The following TSC22D1 variants were observed in gnomAD, a reference collection of about 807,000 sequenced individuals.
The protein encoded by TSC22D1 is TSC22 domain family protein 1.
Under a neutral mutation model 74.2 loss-of-function variants are expected in TSC22D1, and 9 were observed. The ratio of observed to expected loss-of-function variants is 0.12; its 90% confidence interval spans 0.07 to 0.21. The LOEUF is 0.21. Among genes scored for constraint, TSC22D1 ranks in the 10% least tolerant of loss-of-function variants. The pLI, the probability that TSC22D1 is intolerant of heterozygous loss-of-function variation, is 1.00. For synonymous variants in TSC22D1, 586 were observed against 492.5 expected, an observed-to-expected ratio of 1.19 and a Z score of -2.51; for missense variants, 1,427 against 1,304.7, an observed-to-expected ratio of 1.09 and a Z score of -1.44.
Position 44,574,870 on chromosome 13 carries a change from A to G in TSC22D1, c.1205T>C (p.Val402Ala). 1.2e-6 allele frequency: 2 copies of G among 1,614,144 alleles called. No individual in the cohort carries two copies. ...SVSSQQQQPT[V>A]NTSRFRVVKL... The stretch of plus-strand genomic sequence containing the variant: ...CACAACTCTGAACCTCGAAGTGTTA[A>G]CTGTTGGTTGTTGCTGCTGACTTGA... Residue 402 changes from valine to alanine, a missense_variant, in exon 1 of 3, where the codon GTT (valine) becomes GCT (alanine). Physicochemically the swap from Val to Ala is moderately conservative, Grantham distance 64 (BLOSUM62 0). This residue lies in a region of TSC22D1 where 1,343 missense variants were observed against 1,191.5 expected (regional missense o/e 1.13). Transcript: ENST00000458659.
At chr13:44,499,504 A>G (rs1265623855) in intron 1 of TSC22D1, among the ~76,000 whole-genome samples, 1 of 152,196 alleles carries the variant, frequency 6.6e-6, no homozygotes, top group African/African-American at 2.4e-5. Flanking sequence ...TTCAAATCCA[A>G]TCTAATTCTG....
chr13:44,461,067 C>G (rs771138645), intron 1 of TSC22D1, among the ~76,000 whole-genome samples: 2 of 152,066 alleles, frequency 1.3e-5, no homozygotes, highest in Non-Finnish European at 2.9e-5. Context: ...TACTTTTAAA[C>G]CAAATTTAAC....
At chr13:44,497,031 G>A (rs1879010747) in intron 1 of TSC22D1, among the ~76,000 whole-genome samples, 1 of 151,914 alleles carries the variant, frequency 6.6e-6, no homozygotes, top group African/African-American at 2.4e-5. Context: ...ATTAAACATG[G>A]AATTATGAGT....
chr13:44,510,274 C>G (rs1879655721), intron 1 of TSC22D1, among the ~76,000 whole-genome samples: 1 of 151,608 alleles, frequency 6.6e-6, no homozygotes, highest in Non-Finnish European at 1.5e-5. Flanking sequence ...TGCCTATAAT[C>G]CCAGCTACTC....
chr13:44,521,573 T>C (rs370405841), intron 1 of TSC22D1, among the ~76,000 whole-genome samples: 31 of 151,916 alleles, frequency 2.0e-4, no homozygotes, highest in African/African-American at 5.6e-4. Flanking sequence ...AAAGGGGGTA[T>C]ATGTTGTGAA....
At chr13:44,554,556 T>C (rs1014830025) in intron 1 of TSC22D1, among the ~76,000 whole-genome samples, 12 of 144,316 alleles carry the variant, frequency 8.3e-5, no homozygotes, top group African/African-American at 3.1e-4. Context: ...TGTTCAGTGC[T>C]AGGTATGTAA....
chr13:44,460,623 C>T (rs970214907), intron 1 of TSC22D1, among the ~76,000 whole-genome samples: 1 of 152,186 alleles, frequency 6.6e-6, no homozygotes, highest in Admixed American at 6.5e-5. Context: ...CATCTCTGCC[C>T]TCCTAGACTG....
At chr13:44,543,447 T>C (rs1881604606) in intron 1 of TSC22D1, among the ~76,000 whole-genome samples, 1 of 152,262 alleles carries the variant, frequency 6.6e-6, no homozygotes, top group Admixed American at 6.5e-5. Flanking sequence ...CTGGACATTC[T>C]ACATACATTG....
chr13:44,456,197 G>A lies in TSC22D1; in HGVS notation c.2913-20102C>T, dbSNP rs183409865. 2.2e-3 allele frequency among the ~76,000 whole-genome samples: 341 copies of A among 152,328 alleles called. 3 individuals are homozygous for A. The highest frequency in any genetic ancestry group is 1.6e-3 in the Non-Finnish European group (109 of 68,030). ...AGACCCAAAAAGTGAGCAGCAGCAA[G>A]ATTTATCGCTAACAGTAAAACAACA... On this transcript the variant is annotated intron_variant, in intron 1 of 2. Coordinates refer to ENST00000458659, the MANE Select transcript of TSC22D1 (RefSeq NM_183422.4).
intron 1 of TSC22D1, among the ~76,000 whole-genome samples, chr13:44,465,317 C>T (rs1055953235): frequency 9.2e-5 from 14 of 152,118 alleles, no homozygotes; most frequent in African/African-American, 3.4e-4. Flanking sequence ...CTTTGCCAGG[C>T]TAAGAAAGCT....
intron 1 of TSC22D1, among the ~76,000 whole-genome samples, chr13:44,467,662 A>G (rs1877367625): frequency 6.6e-6 from 1 of 152,208 alleles, no homozygotes; most frequent in African/African-American, 2.4e-5. Context: ...ATCACTAATC[A>G]TCAGGGAAAT....
chr13:44,516,285 G>T, intron 1 of TSC22D1: 1 of 426,978 alleles, frequency 2.3e-6, no homozygotes. Flanking sequence ...TGGTGAGAAA[G>T]CACCTCCCTT....
At chr13:44,515,294 C>T (rs1879925299) in intron 1 of TSC22D1, among the ~76,000 whole-genome samples, 1 of 151,648 alleles carries the variant, frequency 6.6e-6, no homozygotes, top group Admixed American at 6.6e-5. Context: ...AGACACAATC[C>T]TCTACAACTA....
intron 1 of TSC22D1, among the ~76,000 whole-genome samples, chr13:44,517,034 A>G (rs1880022905): frequency 1.3e-5 from 2 of 152,182 alleles, no homozygotes; most frequent in South Asian, 4.1e-4. Context: ...CTGATCCATC[A>G]TGTTCCCTTC....
At chr13:44,472,553 C>T (rs545016283) in intron 1 of TSC22D1, among the ~76,000 whole-genome samples, 8 of 152,114 alleles carry the variant, frequency 5.3e-5, no homozygotes, top group Admixed American at 6.6e-5. Context: ...GCATAGTCCT[C>T]GCCTGTAACC....
chr13:44,513,957 A>G (rs180862879), intron 1 of TSC22D1, among the ~76,000 whole-genome samples: 1 of 152,334 alleles, frequency 6.6e-6, no homozygotes, highest in East Asian at 1.9e-4. Context: ...AAAAGTTGCT[A>G]AAAGTTCCTT....
intron 1 of TSC22D1, among the ~76,000 whole-genome samples, chr13:44,531,802 T>C (rs1185726086): frequency 3.3e-5 from 5 of 152,370 alleles, no homozygotes; most frequent in South Asian, 2.1e-4. Flanking sequence ...AATGTTGCTA[T>C]AGCAGAATGT....
At chr13:44,474,136 C>T in intron 1 of TSC22D1, 1 of 653,280 alleles carries the variant, frequency 1.5e-6, no homozygotes, top group Non-Finnish European at 1.9e-6. Context: ...AAACCAACTG[C>T]TTTTCAAGGT....
At chr13:44,538,746 T>A (rs1250304935) in intron 1 of TSC22D1, 1 of 985,326 alleles carries the variant, frequency 1.0e-6, no homozygotes, top group Non-Finnish European at 1.2e-6. Context: ...TCCTTGTGTC[T>A]TCTAGACATA....
Sources: gnomAD v4.1 joint callset for allele counts (sites outside exome capture counted in the v4.1 genomes callset) on GRCh38, gnomAD v4.1.1 for gene constraint, gnomAD v4.1.1 regional missense constraint, MANE v1.5 for transcripts, NCBI Gene and HGNC (gene_info 2026-07-23, HGNC 2026-07-21) for gene names.